The following NRXN1 variants were observed in gnomAD, a reference collection of about 807,000 sequenced individuals.
NRXN1 encodes the protein neurexin-1.
A neutral mutation model predicts 150.9 loss-of-function variants in NRXN1; 39 were observed. The observed-to-expected ratio is 0.26, with a 90% CI of 0.20 to 0.34. The LOEUF is 0.34. Among genes scored for constraint, NRXN1 ranks in the 10% least tolerant of loss-of-function variants. The pLI is 1.00. For missense variants in NRXN1, 1,815 were observed against 1,949.9 expected, an observed-to-expected ratio of 0.93 and a Z score of 1.30; for synonymous variants, 924 against 757.0, an observed-to-expected ratio of 1.22 and a Z score of -3.62.
chr2:50,372,015 A>G (rs2080065593), intron 17 of NRXN1, among the ~76,000 whole-genome samples: 1 of 152,046 alleles, frequency 6.6e-6, no homozygotes, highest in Admixed American at 6.6e-5. Context: ...ACATTGGTCT[A>G]AGTACTACCC....
chr2:50,117,784 A>C (rs1030505146), intron 18 of NRXN1, among the ~76,000 whole-genome samples: 2 of 151,972 alleles, frequency 1.3e-5, no homozygotes, highest in African/African-American at 4.8e-5. Context: ...GAAAAAAAAA[A>C]AAACAACCAA....
chr2:50,745,515 A>G (rs1365683275), intron 5 of NRXN1, among the ~76,000 whole-genome samples: 1 of 151,366 alleles, frequency 6.6e-6, no homozygotes, highest in Non-Finnish European at 1.5e-5. Context: ...GATTCACCAT[A>G]TGGTTAATAG....
At chr2:50,749,088 T>C (rs921789708) in intron 5 of NRXN1, among the ~76,000 whole-genome samples, 15 of 152,240 alleles carry the variant, frequency 9.9e-5, no homozygotes, top group African/African-American at 3.6e-4. Flanking sequence ...CTTTTACACA[T>C]TTTCTCAAAC....
At chr2:50,020,564 A>G (rs1203073163) in intron 21 of NRXN1, among the ~76,000 whole-genome samples, 3 of 152,208 alleles carry the variant, frequency 2.0e-5, no homozygotes, top group Non-Finnish European at 4.4e-5. Flanking sequence ...TACTGGTAGA[A>G]ATCCATGTGC....
chr2:50,912,535 T>A (rs1457846327), intron 5 of NRXN1, among the ~76,000 whole-genome samples: 1 of 151,802 alleles, frequency 6.6e-6, no homozygotes, highest in African/African-American at 2.4e-5. Flanking sequence ...ATTGATGACA[T>A]GGGACACTAG....
chr2:50,366,890 T>G (rs925359371), intron 17 of NRXN1, among the ~76,000 whole-genome samples: 2 of 152,012 alleles, frequency 1.3e-5, no homozygotes, highest in African/African-American at 2.4e-5. Context: ...GGACTTCTTA[T>G]TCAATTTGAA....
intron 17 of NRXN1, among the ~76,000 whole-genome samples, chr2:50,270,392 G>A (rs192253522): frequency 1.2e-4 from 18 of 152,178 alleles, no homozygotes; most frequent in East Asian, 5.8e-4. Flanking sequence ...AATATTGAGC[G>A]TTGTGAGAAT....
intron 15 of NRXN1, among the ~76,000 whole-genome samples, chr2:50,493,101 G>C (rs867278325): frequency 5.9e-5 from 9 of 152,184 alleles, no homozygotes; most frequent in African/African-American, 1.9e-4. Flanking sequence ...AGGATGGAGA[G>C]TAAATCTGAT....
At chr2:50,643,685 T>G (rs1684385514) in intron 5 of NRXN1, among the ~76,000 whole-genome samples, 1 of 151,910 alleles carries the variant, frequency 6.6e-6, no homozygotes, top group Admixed American at 6.6e-5. Flanking sequence ...AAATATCATA[T>G]ATAACAGATA....
chr2:50,176,581 G>C (rs757566099), intron 18 of NRXN1, among the ~76,000 whole-genome samples: 2 of 151,908 alleles, frequency 1.3e-5, no homozygotes, highest in African/African-American at 4.8e-5. Flanking sequence ...AAACTATCTA[G>C]GCCAAAACTT....
intron 17 of NRXN1, among the ~76,000 whole-genome samples, chr2:50,329,578 AGTGTGTGTGTGTGTGT>A (rs55865684): frequency 0.034 from 1,163 of 34,024 alleles, 88 homozygotes; most frequent in African/African-American, 0.1. Context: ...ATATAACAGT[AGTGTGTGTGTGTGTGT>A]GTGTGTGTGT....
At chr2:49,992,343 T>A (rs1682113999) in intron 21 of NRXN1, among the ~76,000 whole-genome samples, 1 of 151,036 alleles carries the variant, frequency 6.6e-6, no homozygotes, top group African/African-American at 2.4e-5. Context: ...ATTGAGACCA[T>A]CCTGGACAAC....
intron 17 of NRXN1, among the ~76,000 whole-genome samples, chr2:50,310,050 T>G (rs1181077302): frequency 6.6e-6 from 1 of 152,128 alleles, no homozygotes. Flanking sequence ...AGACAGCAAA[T>G]TCTAAAACGA....
intron 18 of NRXN1, among the ~76,000 whole-genome samples, chr2:50,146,431 T>C (rs1450370263): frequency 1.3e-5 from 2 of 151,638 alleles, no homozygotes; most frequent in Non-Finnish European, 3.0e-5. Flanking sequence ...ACCAATCCAA[T>C]TGCCCATCAA....
intron 2 of NRXN1, among the ~76,000 whole-genome samples, chr2:50,926,539 A>T (rs546692019): frequency 2.4e-4 from 37 of 152,086 alleles, no homozygotes; most frequent in African/African-American, 8.7e-4. Flanking sequence ...TTTATAGCAT[A>T]TTAATATTGT....
chr2:50,679,875 G>A (rs1355137477), intron 5 of NRXN1, among the ~76,000 whole-genome samples: 3 of 152,078 alleles, frequency 2.0e-5, no homozygotes, highest in Non-Finnish European at 2.9e-5. Flanking sequence ...GCTCACACCT[G>A]TAATCCCAGC....
At chr2:50,856,223 T>C (rs1675254050) in intron 5 of NRXN1, among the ~76,000 whole-genome samples, 1 of 151,976 alleles carries the variant, frequency 6.6e-6, no homozygotes, top group Non-Finnish European at 1.5e-5. Flanking sequence ...TCTAGAAGTA[T>C]TAGGCAACAA....
chr2:50,254,844 T>C (rs1386725276), intron 17 of NRXN1, among the ~76,000 whole-genome samples: 1 of 152,144 alleles, frequency 6.6e-6, no homozygotes, highest in East Asian at 1.9e-4. Context: ...TGCTGCTCTG[T>C]CACCCATGCT....
At chr2:50,884,862 G>C (rs1219608294) in intron 5 of NRXN1, among the ~76,000 whole-genome samples, 1 of 150,870 alleles carries the variant, frequency 6.6e-6, no homozygotes, top group East Asian at 1.9e-4. Flanking sequence ...TTCTATAAAC[G>C]CAAAAGTAGC....
Sources: gnomAD v4.1 joint callset for allele counts (sites outside exome capture counted in the v4.1 genomes callset) on GRCh38, gnomAD v4.1.1 for gene constraint, MANE v1.5 for transcripts, NCBI Gene and HGNC (gene_info 2026-07-23, HGNC 2026-07-21) for gene names.